LRRC4C: variants seen among roughly 807,000 people sequenced by gnomAD.
LRRC4C encodes leucine rich repeat containing 4C, also known as leucine-rich repeat-containing protein 4C.
Under a neutral mutation model 33.6 loss-of-function variants are expected in LRRC4C, and 5 were observed. The ratio of observed to expected loss-of-function variants is 0.15; its 90% CI spans 0.08 to 0.31. The LOEUF (loss-of-function observed/expected upper bound fraction) is 0.31, where lower values mean the gene tolerates loss of function less well. LRRC4C is among the 10% of genes least tolerant of loss of function. The probability of loss-of-function intolerance (pLI) is 1.00; values close to 1 mark genes in which losing one functional copy is unlikely to be tolerated. For missense variants in LRRC4C, 560 were observed against 796.7 expected (o/e 0.70, Z 3.58); for synonymous variants, 329 against 302.0 (o/e 1.09, Z -0.93).
chr11:41,295,014 G>A (rs979820813), intron 1 of LRRC4C, among the ~76,000 whole-genome samples: 2 of 152,008 alleles, frequency 1.3e-5, no homozygotes, highest in Admixed American at 6.6e-5. Flanking sequence ...ACTTACACAC[G>A]GTTGTTATTG....
chr11:41,131,234 T>C (rs904066265), intron 1 of LRRC4C, among the ~76,000 whole-genome samples: 7 of 151,998 alleles, frequency 4.6e-5, no homozygotes, highest in African/African-American at 1.7e-4. Flanking sequence ...CAACTCAAAA[T>C]TGCTTAAAGG....
At chr11:40,378,557 T>C (rs1004089799) in intron 3 of LRRC4C, among the ~76,000 whole-genome samples, 5 of 152,054 alleles carry the variant, frequency 3.3e-5, no homozygotes, top group Non-Finnish European at 5.9e-5. Context: ...AACTTTAAAA[T>C]ATTGAAAGAA....
intron 2 of LRRC4C, among the ~76,000 whole-genome samples, chr11:40,813,085 T>C (rs2135401404): frequency 6.6e-6 from 1 of 152,310 alleles, no homozygotes; most frequent in East Asian, 1.9e-4. Context: ...TTGAGTTTGC[T>C]CAGTATGTAC....
intron 1 of LRRC4C, among the ~76,000 whole-genome samples, chr11:41,225,305 T>A (rs2136417103): frequency 6.6e-6 from 1 of 152,270 alleles, no homozygotes; most frequent in South Asian, 2.1e-4. Flanking sequence ...ACAAACTGGA[T>A]TGTTTGTAAC....
At chr11:41,350,509 C>CAAAAAAAA (rs71063914) in intron 1 of LRRC4C, among the ~76,000 whole-genome samples, 5 of 106,450 alleles carry the variant, frequency 4.7e-5, no homozygotes, top group East Asian at 2.7e-4. Context: ...GACTCCATCT[C>CAAAAAAAA]AAAAAAAAAA....
chr11:40,927,994 G>T (rs1481771203), intron 2 of LRRC4C, among the ~76,000 whole-genome samples: 5 of 151,814 alleles, frequency 3.3e-5, no homozygotes, highest in Non-Finnish European at 7.4e-5. Flanking sequence ...TTTTTAAGTA[G>T]ATCCATAACT....
At chr11:40,180,436 C>T (rs575440163) in intron 5 of LRRC4C, among the ~76,000 whole-genome samples, 104 of 152,270 alleles carry the variant, frequency 6.8e-4, no homozygotes, top group Admixed American at 1.9e-3. Context: ...TCTTGAGATC[C>T]CCTGGTCTGT....
chr11:41,389,115 C>T (rs1049236163), intron 1 of LRRC4C, among the ~76,000 whole-genome samples: 1 of 151,764 alleles, frequency 6.6e-6, no homozygotes, highest in African/African-American at 2.4e-5. Context: ...TAATTGAATT[C>T]TCTTTAATTT....
chr11:40,446,179 T>C (rs1436394850), intron 3 of LRRC4C: 1 of 152,200 alleles, frequency 6.6e-6, no homozygotes, highest in Non-Finnish European at 1.5e-5. Context: ...TAATATTGCC[T>C]GCATGTTAAA....
At chr11:41,104,725 T>A (rs1331049009) in intron 1 of LRRC4C, among the ~76,000 whole-genome samples, 1 of 151,930 alleles carries the variant, frequency 6.6e-6, no homozygotes, top group Non-Finnish European at 1.5e-5. Flanking sequence ...ATAGATAAAC[T>A]GTTGAACATA....
intron 3 of LRRC4C, among the ~76,000 whole-genome samples, chr11:40,629,146 G>C (rs1424928912): frequency 6.6e-6 from 1 of 151,980 alleles, no homozygotes; most frequent in Non-Finnish European, 1.5e-5. Flanking sequence ...ATAAAAATTG[G>C]CTCTTATAAG....
chr11:40,897,585 T>C (rs529055823), intron 2 of LRRC4C, among the ~76,000 whole-genome samples: 8 of 152,314 alleles, frequency 5.3e-5, no homozygotes, highest in Admixed American at 1.3e-4. Flanking sequence ...CATCCTTCTA[T>C]AAAGAATGAC....
At chr11:40,480,936 A>G (rs1205367386) in intron 3 of LRRC4C, among the ~76,000 whole-genome samples, 1 of 151,978 alleles carries the variant, frequency 6.6e-6, no homozygotes, top group East Asian at 1.9e-4. Flanking sequence ...AGGGTGGAAA[A>G]GTGGGGAGAG....
chr11:40,874,300 A>C (rs1373147381), intron 2 of LRRC4C, among the ~76,000 whole-genome samples: 1 of 152,142 alleles, frequency 6.6e-6, no homozygotes, highest in Non-Finnish European at 1.5e-5. Flanking sequence ...ATTTAAACCA[A>C]TGTTCTGTAA....
At chr11:41,340,673 A>T (rs1344743940) in intron 1 of LRRC4C, among the ~76,000 whole-genome samples, 1 of 152,170 alleles carries the variant, frequency 6.6e-6, no homozygotes, top group Non-Finnish European at 1.5e-5. Flanking sequence ...AGCCTAAGAA[A>T]AGTTACTTAG....
At chr11:40,786,500 A>G (rs1469501241) in intron 2 of LRRC4C, among the ~76,000 whole-genome samples, 1 of 152,196 alleles carries the variant, frequency 6.6e-6, no homozygotes, top group Non-Finnish European at 1.5e-5. Flanking sequence ...CACCTCAGCC[A>G]ATGTGTAGAA....
At chr11:41,252,932 G>C (rs1013732848) in intron 1 of LRRC4C, among the ~76,000 whole-genome samples, 1 of 152,120 alleles carries the variant, frequency 6.6e-6, no homozygotes, top group Admixed American at 6.6e-5. Context: ...ACCTCCCACT[G>C]TGTCCCTCCT....
intron 4 of LRRC4C, among the ~76,000 whole-genome samples, chr11:40,257,544 C>T (rs1057284425): frequency 6.6e-6 from 1 of 152,090 alleles, no homozygotes; most frequent in African/African-American, 2.4e-5. Context: ...TGATGCAGCC[C>T]CGAAGAGTCA....
chr11:40,658,950 G>A (rs1565608231), intron 2 of LRRC4C, among the ~76,000 whole-genome samples: 1 of 152,200 alleles, frequency 6.6e-6, no homozygotes, highest in Non-Finnish European at 1.5e-5. Context: ...TAGCCAGCAG[G>A]AGCTGGGCAG....
Sources: allele counts gnomAD v4.1 joint callset (sites outside exome capture counted in the v4.1 genomes callset), GRCh38; gene constraint gnomAD v4.1.1; transcripts MANE v1.5; gene names NCBI Gene and HGNC (gene_info 2026-07-23, HGNC 2026-07-21).